RANBP10: variants seen among roughly 807,000 people sequenced by gnomAD.
RANBP10 encodes the protein ran-binding protein 10.
A neutral mutation model predicts 72.8 loss-of-function variants in RANBP10; 24 were observed. That is an observed-to-expected ratio of 0.33 (90% CI 0.24 to 0.46). The LOEUF (loss-of-function observed/expected upper bound fraction) is 0.46. RANBP10 is among the 20% of genes least tolerant of loss of function. RANBP10 has a pLI of 1.00. For missense variants in RANBP10, 679 were observed against 817.5 expected (o/e 0.83, Z 2.07); for synonymous variants, 310 against 322.3 (o/e 0.96, Z 0.41).
chr16:67,738,167 C>T, intron 4 of RANBP10, 132 bp from the exon 5 acceptor site: 2 of 1,045,616 alleles, frequency 1.9e-6, no homozygotes, highest in Non-Finnish European at 2.7e-6. Context: ...GAGACAGAGT[C>T]TCCCTCCGTA....
At chr16:67,735,165 A>T in intron 5 of RANBP10, 123 bp from the exon 6 acceptor site, 1 of 986,472 alleles carries the variant, frequency 1.0e-6, no homozygotes, top group Non-Finnish European at 1.5e-6. Context: ...AGGCTGGAGG[A>T]GGCAGGGCGG....
chr16:67,798,374 C>A (rs912181377), intron 2 of RANBP10, among the ~76,000 whole-genome samples: 7 of 152,120 alleles, frequency 4.6e-5, no homozygotes, highest in Non-Finnish European at 1.0e-4. Flanking sequence ...GGGTGAGAAG[C>A]CAGCCACAGC....
intron 2 of RANBP10, among the ~76,000 whole-genome samples, chr16:67,789,217 G>C (rs2054979335): frequency 6.6e-6 from 1 of 150,892 alleles, no homozygotes; most frequent in African/African-American, 2.5e-5. Context: ...GGCTGAGGCA[G>C]GGGAATAGCT....
At chr16:67,746,061 C>G (rs370789734) in intron 3 of RANBP10, among the ~76,000 whole-genome samples, 11 of 151,956 alleles carry the variant, frequency 7.2e-5, no homozygotes, top group African/African-American at 2.2e-4. Context: ...GAGGCTGAGG[C>G]AGGAGAATCA....
At chr16:67,773,914 C>T (rs1169125984) in intron 2 of RANBP10, among the ~76,000 whole-genome samples, 2 of 152,212 alleles carry the variant, frequency 1.3e-5, no homozygotes, top group East Asian at 3.8e-4. Context: ...CCTCCTCCTG[C>T]CAGAGGGGCT....
At chr16:67,737,771 C>T (rs1339741666) in intron 5 of RANBP10, among the ~76,000 whole-genome samples, 1 of 152,122 alleles carries the variant, frequency 6.6e-6, no homozygotes, top group Non-Finnish European at 1.5e-5. Context: ...CCCACAGCTG[C>T]CTTTGGAAGT....
At chr16:67,769,902 C>CA (rs1443298006) in intron 3 of RANBP10, among the ~76,000 whole-genome samples, 1 of 151,714 alleles carries the variant, frequency 6.6e-6, no homozygotes, top group African/African-American at 2.4e-5. Context: ...CCCGCCTCTA[C>CA]AAAAAATGAA....
Position 67,729,296 on chromosome 16 carries a change from T to C in RANBP10, c.1336A>G (p.Ser446Gly), listed in dbSNP as rs751270887. The change falls in exon 10 of 14, where the codon AGT becomes GGT. Residue 446 changes from serine to glycine, a missense_variant. Coordinates refer to ENST00000317506, the MANE Select transcript of RANBP10 (RefSeq NM_020850.3). The surrounding 1 kb of genome is among the most constrained non-coding windows in gnomAD (Gnocchi z 7.1). ...STKSQHHSST[S>G]NQETSDSEME... ...GGCAGGCACCTGGTCTCCTGGTTAC[T>C]GGTACTGCTGTGGTGCTGGGACTTG... 6.2e-7 allele frequency: 1 copy of C among 1,612,504 alleles called. No individual in the cohort carries two copies. The highest frequency in any genetic ancestry group is 1.7e-5 in the Admixed American group (1 of 60,020).
rs765755178 is a variant in RANBP10, at chr16:67,726,420, A to G, written c.*8T>C. The G allele has an allele frequency of 1.2e-6, 2 of 1,612,402 alleles. No individual in the cohort carries two copies. Among genetic ancestry groups the G allele is most frequent in the Non-Finnish European group, 1.7e-6 (2 of 1,179,410 alleles). ...GGAGGGCCAGCCAGAGCCAGCCAGCACAGTCAGCTAGTGCAAGTAGTCATC... is the reference window on the plus strand; with the variant it reads ...GGAGGGCCAGCCAGAGCCAGCCAGCGCAGTCAGCTAGTGCAAGTAGTCATC... On this transcript the variant is annotated 3_prime_UTR_variant, in exon 14 of 14. Transcript: ENST00000317506.
intron 6 of RANBP10, among the ~76,000 whole-genome samples, chr16:67,734,433 G>A (rs1007839056): frequency 6.6e-6 from 1 of 152,350 alleles, no homozygotes; most frequent in East Asian, 1.9e-4. Context: ...CGCTATAGAC[G>A]AATGAGACTC....
At chr16:67,795,334 G>A (rs1363597821) in intron 2 of RANBP10, among the ~76,000 whole-genome samples, 2 of 151,380 alleles carry the variant, frequency 1.3e-5, no homozygotes, top group Non-Finnish European at 2.9e-5. Flanking sequence ...AAGGTCGGGA[G>A]TTCAAGACCA....
At chr16:67,749,537 G>A (rs1406080893) in intron 3 of RANBP10, among the ~76,000 whole-genome samples, 1 of 152,308 alleles carries the variant, frequency 6.6e-6, no homozygotes, top group East Asian at 1.9e-4. Context: ...CAAAGACATT[G>A]GAACTGCCTG....
chr16:67,755,792 C>CA (rs2054277079), intron 3 of RANBP10, among the ~76,000 whole-genome samples: 1 of 151,600 alleles, frequency 6.6e-6, no homozygotes, highest in African/African-American at 2.4e-5. Flanking sequence ...CCTGAGGCCA[C>CA]ATGATGGGGA....
At chr16:67,739,532 A>G (rs974362000) in intron 4 of RANBP10, among the ~76,000 whole-genome samples, 1 of 152,168 alleles carries the variant, frequency 6.6e-6, no homozygotes, top group African/African-American at 2.4e-5. Flanking sequence ...CAAGCTGGCA[A>G]AGTTCAGGTT....
chr16:67,784,292 C>T (rs182907733), intron 2 of RANBP10, among the ~76,000 whole-genome samples: 54 of 152,230 alleles, frequency 3.5e-4, no homozygotes, highest in Non-Finnish European at 5.6e-4. Flanking sequence ...GAGCCCAAGG[C>T]GGGTGGATCA....
At chr16:67,770,065 CA>C (rs2054581413) in intron 3 of RANBP10, among the ~76,000 whole-genome samples, 1 of 151,808 alleles carries the variant, frequency 6.6e-6, no homozygotes, top group Admixed American at 6.6e-5. Context: ...ACCTTGTCTC[CA>C]AAAACAAAAC....
In RANBP10 at chr16:67,744,710, C is replaced by T. The variant is rs77445180; in HGVS notation, c.401-255G>A. Among the ~76,000 whole-genome samples the T allele has an allele frequency of 4.0e-3, 606 of 152,276 alleles. 6 individuals carry two copies. The highest frequency in any genetic ancestry group is 0.013 in the African/African-American group (550 of 41,558). On this transcript the variant is annotated intron_variant, in intron 3 of 13. Transcript: ENST00000317506. ...ACAGGAACCAAAACCATCAGTGACC[C>T]GGAAGGAACATACCAGAGGGTGGTA...
At chr16:67,758,622 A>G (rs1314491307) in intron 3 of RANBP10, among the ~76,000 whole-genome samples, 3 of 152,218 alleles carry the variant, frequency 2.0e-5, no homozygotes, top group Admixed American at 2.0e-4. Context: ...ATGTGGCCTC[A>G]GCCTCACCCA....
At position 67,744,352 on chromosome 16, in the gene RANBP10, C is replaced by G. The variant is rs1202042541; in HGVS notation, c.504G>C (p.Val168=). Residue 168 remains valine, a synonymous_variant, in exon 4 of 14, where the codon GTG becomes GTC. Transcript: ENST00000317506. ...TGATGAGGTTGACACAGCAGCCGAT[C>G]ACGTCTCCTGTGGTGAATGTGGGAC... ...PYGPTFTTGD[V]IGCCVNLING... is the part of the protein sequence containing the mutation. The G allele has an allele frequency of 6.2e-7, 1 of 1,614,224 alleles. No homozygotes were observed. The highest frequency in any genetic ancestry group is 1.7e-5 in the Admixed American group (1 of 60,028).
Sources: gnomAD v4.1 joint callset for allele counts (sites outside exome capture counted in the v4.1 genomes callset) on GRCh38, gnomAD v4.1.1 for gene constraint, Gnocchi (gnomAD v3.1) non-coding constraint, MANE v1.5 for transcripts, NCBI Gene and HGNC (gene_info 2026-07-23, HGNC 2026-07-21) for gene names.